Variants in EFCAB5 observed in about 807,000 individuals in gnomAD.
EFCAB5 encodes EF-hand calcium-binding domain-containing protein 5.
Under a neutral mutation model 167.9 loss-of-function variants are expected in EFCAB5, and 131 were observed. The ratio of observed to expected loss-of-function variants is 0.78; its 90% CI spans 0.68 to 0.90. EFCAB5 has a LOEUF of 0.90. Ranked by LOEUF, EFCAB5 falls within the 40% of genes least tolerant of loss-of-function variation. The pLI is 0.00. For missense variants in EFCAB5, 1,663 were observed against 1,745.2 expected (o/e 0.95, Z 0.84); for synonymous variants, 574 against 602.8 (o/e 0.95, Z 0.70).
chr17:30,014,023 A>G (rs1405405673), intron 7 of EFCAB5, among the ~76,000 whole-genome samples: 2 of 152,198 alleles, frequency 1.3e-5, no homozygotes, highest in Non-Finnish European at 2.9e-5. Flanking sequence ...CATTGGTTTC[A>G]AAGAACATCT....
At chr17:29,983,846 T>G (rs1369399551) in intron 4 of EFCAB5, among the ~76,000 whole-genome samples, 1 of 152,114 alleles carries the variant, frequency 6.6e-6, no homozygotes. Context: ...GATATGGACA[T>G]CAATAAATGG....
chr17:29,977,484 G>A (rs1001405979), intron 4 of EFCAB5, among the ~76,000 whole-genome samples: 23 of 152,012 alleles, frequency 1.5e-4, no homozygotes, highest in Admixed American at 2.6e-4. Context: ...CAAATGAACC[G>A]GAAAGTAGAT....
chr17:30,058,507 A>G (rs1255032003), intron 13 of EFCAB5, among the ~76,000 whole-genome samples: 2 of 152,216 alleles, frequency 1.3e-5, no homozygotes, highest in African/African-American at 4.8e-5. Context: ...CAAAAGGTGT[A>G]TATTCATTTT....
chr17:30,107,826 T>C lies in EFCAB5; in HGVS notation c.4322-8T>C. On this transcript the variant is annotated splice_region_variant and splice_polypyrimidine_tract_variant and intron_variant, in intron 22 of 22. Coordinates refer to ENST00000394835, the MANE Select transcript of EFCAB5 (RefSeq NM_198529.4). The stretch of plus-strand genomic sequence containing the variant: ...CACTCTTACTTTTCTTTTTTTTTCC[T>C]GATGCAGATCATTCCCGAACTGAAG... 3 of 1,523,414 alleles carry C rather than the reference T, an allele frequency of 2.0e-6. No homozygotes were observed. The highest frequency in any genetic ancestry group is 2.9e-5 in the African/African-American group (2 of 69,950). 94.4% of individuals were successfully genotyped at this position (1,523,414 alleles called of 1,614,324 possible). A position where few individuals can be genotyped will look rare whatever the true frequency, so the allele number is the denominator to read the frequency against.
intron 3 of EFCAB5, among the ~76,000 whole-genome samples, chr17:29,955,399 T>C (rs553798574): frequency 1.3e-5 from 2 of 152,276 alleles, no homozygotes; most frequent in African/African-American, 4.8e-5. Context: ...CAAGATCTGA[T>C]GGTTTTATAA....
At chr17:29,994,015 GA>G (rs1452169105) in intron 5 of EFCAB5, among the ~76,000 whole-genome samples, 1 of 150,588 alleles carries the variant, frequency 6.6e-6, no homozygotes, top group Non-Finnish European at 1.5e-5. Flanking sequence ...GAGGTGGGAG[GA>G]TTGCTTGAGT....
At chr17:30,042,860 A>G (rs1459859605) in intron 8 of EFCAB5, among the ~76,000 whole-genome samples, 1 of 152,212 alleles carries the variant, frequency 6.6e-6, no homozygotes, top group Non-Finnish European at 1.5e-5. Context: ...TACACTAACA[A>G]TCCTCATGAA....
At chr17:29,969,558 C>T (rs1196739766) in intron 4 of EFCAB5, among the ~76,000 whole-genome samples, 191 bp downstream of exon 4, 1 of 152,086 alleles carries the variant, frequency 6.6e-6, no homozygotes, top group East Asian at 1.9e-4. Flanking sequence ...AAATAAGTTC[C>T]TTGTATTCAT....
chr17:30,099,912 C>T (rs1056818140), intron 22 of EFCAB5, among the ~76,000 whole-genome samples: 7 of 152,122 alleles, frequency 4.6e-5, no homozygotes, highest in Non-Finnish European at 8.8e-5. Flanking sequence ...ACCTATAAGG[C>T]TGGTGGTGGC....
chr17:29,961,771 T>A (rs1448265191), intron 3 of EFCAB5, among the ~76,000 whole-genome samples: 1 of 152,050 alleles, frequency 6.6e-6, no homozygotes, highest in Non-Finnish European at 1.5e-5. Flanking sequence ...TTTTTTAATT[T>A]TTTGTAGAGA....
chr17:29,997,117 C>T (rs2068561169), intron 6 of EFCAB5, among the ~76,000 whole-genome samples: 1 of 151,704 alleles, frequency 6.6e-6, no homozygotes, highest in South Asian at 2.1e-4. Context: ...TGGTGGCGGG[C>T]GTCCGTAATC....
intron 1 of EFCAB5, among the ~76,000 whole-genome samples, chr17:29,931,215 C>A (rs73265706): frequency 0.022 from 3,298 of 152,186 alleles, 110 homozygotes; most frequent in African/African-American, 0.075. Flanking sequence ...TAAATACCAC[C>A]GTACATATCA....
At chr17:30,013,381 C>T (rs1297173560) in intron 7 of EFCAB5, among the ~76,000 whole-genome samples, 5 of 152,144 alleles carry the variant, frequency 3.3e-5, no homozygotes, top group African/African-American at 1.2e-4. Context: ...GGAATGGTAC[C>T]AGCTCCTCTT....
intron 7 of EFCAB5, among the ~76,000 whole-genome samples, chr17:30,006,857 A>G (rs1279680660): frequency 6.6e-6 from 1 of 152,050 alleles, no homozygotes; most frequent in Admixed American, 6.6e-5. Context: ...TAATCTCCCT[A>G]TGTTGCCCGG....
intron 7 of EFCAB5, among the ~76,000 whole-genome samples, chr17:30,001,962 A>G (rs189047562): frequency 6.6e-6 from 1 of 152,328 alleles, no homozygotes; most frequent in African/African-American, 2.4e-5. Context: ...ACAGAGCTAG[A>G]CTAGACCCAG....
chr17:30,022,627 C>T (rs1259049620), intron 7 of EFCAB5, among the ~76,000 whole-genome samples: 3 of 152,066 alleles, frequency 2.0e-5, no homozygotes, highest in Non-Finnish European at 4.4e-5. Flanking sequence ...CACTTTGTTT[C>T]CTTACTTCAG....
intron 7 of EFCAB5, among the ~76,000 whole-genome samples, chr17:30,024,275 A>G (rs932898311): frequency 2.6e-5 from 4 of 152,146 alleles, no homozygotes; most frequent in African/African-American, 9.7e-5. Flanking sequence ...TTGTATATCT[A>G]GAAAACCCCA....
chr17:30,004,378 C>T (rs980616277), intron 7 of EFCAB5, among the ~76,000 whole-genome samples: 1 of 152,216 alleles, frequency 6.6e-6, no homozygotes, highest in Non-Finnish European at 1.5e-5. Flanking sequence ...ATTCAATCTC[C>T]ATTGACATTT....
rs1390000937 is a variant in EFCAB5, at chr17:30,006,104, G to C, written c.1044+6128G>C. ...TCCCTAAAATGTATAAAACCAAACT[G>C]TAATCCGACTGCCTTAGGACCACTT... On this transcript the variant is annotated intron_variant, in intron 7 of 22. Transcript: ENST00000394835. 3.3e-5 allele frequency among the ~76,000 whole-genome samples: 5 copies of C among 152,170 alleles called. No individual in the cohort carries two copies. The East Asian group carries it at 9.6e-4, about 29-fold the overall frequency.
Sources: gnomAD v4.1 joint callset for allele counts (sites outside exome capture counted in the v4.1 genomes callset) on GRCh38, gnomAD v4.1.1 for gene constraint, MANE v1.5 for transcripts, NCBI Gene and HGNC (gene_info 2026-07-23, HGNC 2026-07-21) for gene names.